The following NCAM2 variants were observed in gnomAD, a reference collection of about 807,000 sequenced individuals.
NCAM2 encodes the protein N-CAM-2.
Under a neutral mutation model 98.1 loss-of-function variants are expected in NCAM2, and 30 were observed. The observed-to-expected ratio is 0.31, with a 90% CI of 0.23 to 0.41. The LOEUF (loss-of-function observed/expected upper bound fraction) is 0.41, where lower values mean the gene tolerates loss of function less well. NCAM2 is among the 10% of genes least tolerant of loss of function. The pLI, the probability that NCAM2 is intolerant of heterozygous loss-of-function variation, is 1.00. For missense variants in NCAM2, 867 were observed against 1,005.8 expected (o/e 0.86, Z 1.87); for synonymous variants, 368 against 342.4 (o/e 1.07, Z -0.83).
At chr21:21,330,400 G>T (rs1022255483) in intron 6 of NCAM2, among the ~76,000 whole-genome samples, 1 of 151,858 alleles carries the variant, frequency 6.6e-6, no homozygotes, top group African/African-American at 2.4e-5. Flanking sequence ...TATTCATTTA[G>T]AAGTATGCTG....
chr21:21,156,579 TATAGATAGATAGATAG>T (rs10654392), intron 1 of NCAM2, among the ~76,000 whole-genome samples: 19 of 148,656 alleles, frequency 1.3e-4, no homozygotes, highest in African/African-American at 5.0e-5. Context: ...ATAGATAGAT[TATAGATAGATAGATAG>T]ATAGATAGAT....
intron 12 of NCAM2, among the ~76,000 whole-genome samples, chr21:21,450,502 A>T (rs28373718): frequency 4.6e-5 from 7 of 151,558 alleles, no homozygotes; most frequent in Admixed American, 2.0e-4. Context: ...CTAATTTAAA[A>T]TTTTTTTCTT....
chr21:21,272,640 G>C (rs2072558631), intron 1 of NCAM2, among the ~76,000 whole-genome samples: 1 of 151,904 alleles, frequency 6.6e-6, no homozygotes, highest in South Asian at 2.1e-4. Context: ...CAAGAATGAA[G>C]AGAGACATAT....
In NCAM2 at chr21:21,428,712, G is replaced by C. The variant is rs1159784972; in HGVS notation, c.1481-3396G>C. 2.0e-5 allele frequency among the ~76,000 whole-genome samples: 3 copies of C among 152,180 alleles called. No homozygotes were observed. In the South Asian group the frequency reaches 6.2e-4, roughly 32 times the overall value. On this transcript the variant is annotated intron_variant, in intron 11 of 17. Coordinates refer to ENST00000400546, the MANE Select transcript of NCAM2 (RefSeq NM_004540.5). ...TTGACTGATTGTGATGTATAAGATA[G>C]ATAGGAATCAAGGGTGAAGACAATT... is the stretch of plus-strand genomic sequence containing the variant.
chr21:21,118,721 C>G (rs566547812), intron 1 of NCAM2, among the ~76,000 whole-genome samples: 25 of 151,972 alleles, frequency 1.6e-4, no homozygotes, highest in Non-Finnish European at 2.6e-4. Context: ...CTTTCCTTCC[C>G]AATATTTCTC....
Position 21,230,176 on chromosome 21 carries a change from A to C in NCAM2, c.56-50402A>C, listed in dbSNP as rs1481470570. ...TGCCATTTGTTTGCAAAAAGAAAAA[A>C]AATACAGAAAATATTTAATTTTTAT... On this transcript the variant is annotated intron_variant, in intron 1 of 17. Coordinates refer to ENST00000400546, the MANE Select transcript of NCAM2 (RefSeq NM_004540.5). Among the ~76,000 whole-genome samples, 5 of 151,272 alleles carry C rather than the reference A, an allele frequency of 3.3e-5. No individual in the cohort carries two copies. The South Asian group carries it at 8.3e-4, about 25-fold the overall frequency.
chr21:21,368,152 G>A (rs750252986), intron 8 of NCAM2, among the ~76,000 whole-genome samples: 57 of 151,662 alleles, frequency 3.8e-4, no homozygotes, highest in African/African-American at 1.3e-3. Flanking sequence ...TAAAATATGG[G>A]TACTTATTTT....
intron 9 of NCAM2, among the ~76,000 whole-genome samples, chr21:21,403,497 A>G (rs1020525581): frequency 6.6e-6 from 1 of 152,116 alleles, no homozygotes; most frequent in East Asian, 1.9e-4. Context: ...TTCCTCCACA[A>G]ACTCTCAATG....
chr21:21,263,958 T>C (rs2072024178), intron 1 of NCAM2, among the ~76,000 whole-genome samples: 1 of 151,792 alleles, frequency 6.6e-6, no homozygotes, highest in Non-Finnish European at 1.5e-5. Context: ...ATGATGAAGA[T>C]CATAAAGCAA....
intron 9 of NCAM2, among the ~76,000 whole-genome samples, chr21:21,384,475 A>G (rs1410894996): frequency 6.6e-6 from 1 of 151,792 alleles, no homozygotes; most frequent in African/African-American, 2.4e-5. Flanking sequence ...AAAATTTATT[A>G]TTTTTCACAA....
chr21:21,030,025 A>G (rs2064645414), intron 1 of NCAM2, among the ~76,000 whole-genome samples: 1 of 152,204 alleles, frequency 6.6e-6, no homozygotes, highest in Admixed American at 6.5e-5. Context: ...ATCATATTAC[A>G]TTCTTATAAT....
chr21:21,477,148 G>A, intron 14 of NCAM2, 143 bp from the exon 15 acceptor site: 1 of 501,880 alleles, frequency 2.0e-6, no homozygotes, highest in Non-Finnish European at 3.3e-6. Flanking sequence ...CATTGACACA[G>A]CAACTTCATG....
At chr21:21,046,126 G>A (rs554401286) in intron 1 of NCAM2, among the ~76,000 whole-genome samples, 16 of 152,254 alleles carry the variant, frequency 1.1e-4, no homozygotes, top group East Asian at 7.7e-4. Flanking sequence ...AAAGCACTCC[G>A]AAAAACTCTG....
chr21:21,432,061 A>G, intron 11 of NCAM2, 47 bp from the exon 12 acceptor site: 2 of 1,569,452 alleles, frequency 1.3e-6, no homozygotes, highest in Admixed American at 1.7e-5. Context: ...AATAATGGCC[A>G]TTCCCATTCC....
chr21:21,074,878 A>G (rs1235795360), intron 1 of NCAM2, among the ~76,000 whole-genome samples: 2 of 152,218 alleles, frequency 1.3e-5, no homozygotes, highest in African/African-American at 2.4e-5. Flanking sequence ...TTCTATAAAG[A>G]CATGCACATG....
intron 5 of NCAM2, among the ~76,000 whole-genome samples, chr21:21,298,777 T>TGTCA (rs2073593538): frequency 6.6e-6 from 1 of 151,708 alleles, no homozygotes; most frequent in African/African-American, 2.4e-5. Context: ...GTACACTTAG[T>TGTCA]GTCATAATAT....
intron 1 of NCAM2, among the ~76,000 whole-genome samples, chr21:21,034,199 C>G (rs2064752308): frequency 6.6e-6 from 1 of 152,104 alleles, no homozygotes; most frequent in South Asian, 2.1e-4. Context: ...TGCAGATTGG[C>G]TCCCATCAAG....
intron 5 of NCAM2, among the ~76,000 whole-genome samples, chr21:21,318,180 A>G (rs960112581): frequency 2.0e-5 from 3 of 152,192 alleles, no homozygotes; most frequent in East Asian, 3.8e-4. Context: ...CATGTAGAAT[A>G]TTGTTAACTG....
At chr21:21,236,944 C>T (rs993518457) in intron 1 of NCAM2, among the ~76,000 whole-genome samples, 1 of 152,160 alleles carries the variant, frequency 6.6e-6, no homozygotes, top group African/African-American at 2.4e-5. Flanking sequence ...TGTTTCATTA[C>T]AATTCCTCTG....
Sources: allele counts gnomAD v4.1 joint callset (sites outside exome capture counted in the v4.1 genomes callset), GRCh38; gene constraint gnomAD v4.1.1; transcripts MANE v1.5; gene names NCBI Gene and HGNC (gene_info 2026-07-23, HGNC 2026-07-21).